GUCA1C: variants seen among roughly 807,000 people sequenced by gnomAD.
The protein encoded by GUCA1C is guanylyl cyclase-activating protein 3.
In GUCA1C, 15 loss-of-function variants were observed where a neutral mutation model predicts 16.2. That is an observed-to-expected ratio of 0.93 (90% CI 0.62 to 1.43). The LOEUF (loss-of-function observed/expected upper bound fraction) is 1.43. Ranked by LOEUF, GUCA1C falls within the 40% of genes most tolerant of loss-of-function variation. The pLI, the probability that GUCA1C is intolerant of heterozygous loss-of-function variation, is 0.00. For missense variants in GUCA1C, 275 were observed against 244.8 expected (o/e 1.12, Z -0.82); for synonymous variants, 78 against 85.4 (o/e 0.91, Z 0.48).
chr3:108,930,866 T>C (rs1396580121), intron 1 of GUCA1C, among the ~76,000 whole-genome samples: 1 of 152,170 alleles, frequency 6.6e-6, no homozygotes, highest in Non-Finnish European at 1.5e-5. Context: ...AAGCGAAATA[T>C]GTTATTATAG....
intron 1 of GUCA1C, among the ~76,000 whole-genome samples, chr3:108,946,741 A>G (rs1946847620): frequency 6.6e-6 from 1 of 152,156 alleles, no homozygotes; most frequent in Non-Finnish European, 1.5e-5. Flanking sequence ...CTACAGAACC[A>G]ATGACTCACT....
chr3:108,947,888 T>G (rs1008331241), intron 1 of GUCA1C, among the ~76,000 whole-genome samples: 1 of 152,188 alleles, frequency 6.6e-6, no homozygotes, highest in African/African-American at 2.4e-5. Flanking sequence ...AGCATCAGAT[T>G]TGTTAAATAT....
chr3:108,931,871 T>C (rs1249507092), intron 1 of GUCA1C, among the ~76,000 whole-genome samples: 1 of 145,202 alleles, frequency 6.9e-6, no homozygotes, highest in Non-Finnish European at 1.5e-5. Flanking sequence ...CCTTCTTTTT[T>C]TTTTTTTTTT....
At chr3:108,943,473 G>C (rs1005338782) in intron 1 of GUCA1C, among the ~76,000 whole-genome samples, 1 of 152,154 alleles carries the variant, frequency 6.6e-6, no homozygotes. Flanking sequence ...ATCTGACTTA[G>C]GAGGCATAGC....
chr3:108,953,246 A>C (rs781094376), intron 1 of GUCA1C, among the ~76,000 whole-genome samples: 1 of 152,166 alleles, frequency 6.6e-6, no homozygotes, highest in Non-Finnish European at 1.5e-5. Flanking sequence ...TTGTAAATCA[A>C]TCTGTACTTA....
At chr3:108,928,164 G>A (rs1946638842) in intron 1 of GUCA1C, among the ~76,000 whole-genome samples, 1 of 152,138 alleles carries the variant, frequency 6.6e-6, no homozygotes, top group Admixed American at 6.5e-5. Flanking sequence ...GGATTCTCTC[G>A]ACTTTCCTGG....
chr3:108,911,089 C>T (rs1946448544), intron 3 of GUCA1C, among the ~76,000 whole-genome samples: 2 of 152,274 alleles, frequency 1.3e-5, no homozygotes, highest in African/African-American at 4.8e-5. Flanking sequence ...TCTGGGGACC[C>T]TGAAGGTCAG....
Position 108,908,318 on chromosome 3 carries a change from C to A in GUCA1C, c.443-109G>T, listed in dbSNP as rs192377540. Reference sequence around the variant, plus strand: ...ATATTCTTTTGATATCCTTTCCCCTCAACCAGACTCTAAGATCTTTGAAGA... The same window carrying A: ...ATATTCTTTTGATATCCTTTCCCCTAAACCAGACTCTAAGATCTTTGAAGA... On this transcript the variant is annotated intron_variant, in intron 3 of 3. Transcript: ENST00000261047. 4.0e-3 allele frequency: 1,869 copies of A among 465,708 alleles called. 5 individuals are homozygous for A. The highest frequency in any genetic ancestry group is 5.5e-3 in the Non-Finnish European group (1,535 of 279,196). 28.8% of individuals were successfully genotyped at this position (465,708 alleles called of 1,614,324 possible).
chr3:108,937,044 C>G (rs1008954867), intron 1 of GUCA1C, among the ~76,000 whole-genome samples: 1 of 152,220 alleles, frequency 6.6e-6, no homozygotes, highest in Non-Finnish European at 1.5e-5. Flanking sequence ...AGACAATAGT[C>G]TCCCTCAGCC....
chr3:108,939,555 G>A (rs1576554580), intron 1 of GUCA1C, among the ~76,000 whole-genome samples: 1 of 151,570 alleles, frequency 6.6e-6, no homozygotes, highest in East Asian at 1.9e-4. Context: ...TCAAACTCCT[G>A]ACCTCAGGTG....
intron 3 of GUCA1C, among the ~76,000 whole-genome samples, chr3:108,911,811 A>G (rs1559838898): frequency 2.0e-5 from 3 of 152,108 alleles, no homozygotes; most frequent in Admixed American, 6.6e-5. Flanking sequence ...TCTGCTCAAT[A>G]ATCACCCTTT....
intron 1 of GUCA1C, among the ~76,000 whole-genome samples, chr3:108,951,475 A>T (rs1946895340): frequency 6.6e-6 from 1 of 152,186 alleles, no homozygotes; most frequent in South Asian, 2.1e-4. Flanking sequence ...AAACACAAAG[A>T]AAAAAAGAAA....
chr3:108,912,767 T>A (rs1946469570), intron 3 of GUCA1C, among the ~76,000 whole-genome samples: 1 of 151,904 alleles, frequency 6.6e-6, no homozygotes. Flanking sequence ...TTGCATATTG[T>A]TTCTTGATTT....
chr3:108,940,221 A>C (rs1398421452), intron 1 of GUCA1C, among the ~76,000 whole-genome samples: 2 of 152,250 alleles, frequency 1.3e-5, no homozygotes, highest in Non-Finnish European at 2.9e-5. Flanking sequence ...TTACAATGTA[A>C]TATAAGATCA....
intron 1 of GUCA1C, among the ~76,000 whole-genome samples, chr3:108,949,008 C>T (rs377186362): frequency 2.0e-4 from 31 of 152,096 alleles, no homozygotes; most frequent in African/African-American, 5.3e-4. Flanking sequence ...CCACCACGCC[C>T]GGCTAATTTT....
Position 108,916,208 on chromosome 3 carries a change from G to C in GUCA1C, c.361C>G (p.Gln121Glu), listed in dbSNP as rs928931571. Reference protein sequence around the residue: ...NELLDMFMAVQALNGQQTLSP... With the variant: ...NELLDMFMAVEALNGQQTLSP... ...AGAGTTTGCTGGCCATTGAGGGCTT[G>C]TACCGCCTGCAAAAAGACATTAAAT... is the stretch of plus-strand genomic sequence containing the variant. Residue 121 changes from glutamine (Q) to glutamate (E), a missense_variant, in exon 3 of 4, where the codon CAA becomes GAA. Coordinates refer to ENST00000261047, the MANE Select transcript of GUCA1C (RefSeq NM_005459.4). The C allele has an allele frequency of 5.0e-6, 8 of 1,605,264 alleles. No homozygotes were observed. Among genetic ancestry groups the C allele is most frequent in the Non-Finnish European group, 6.8e-6 (8 of 1,177,872 alleles).
At chr3:108,924,943 A>G (rs1203000196) in intron 1 of GUCA1C, among the ~76,000 whole-genome samples, 1 of 151,952 alleles carries the variant, frequency 6.6e-6, no homozygotes, top group Non-Finnish European at 1.5e-5. Flanking sequence ...GCCTTGAATG[A>G]TATTTTGTAT....
chr3:108,953,976 C>CT (rs1946925784), upstream of GUCA1C: 24 of 566,230 alleles, frequency 4.2e-5, no homozygotes, highest in South Asian at 5.1e-4. Context: ...CACTTGGTAA[C>CT]TAACATGCTT....
At chr3:108,949,357 G>A (rs1348245945) in intron 1 of GUCA1C, among the ~76,000 whole-genome samples, 1 of 152,206 alleles carries the variant, frequency 6.6e-6, no homozygotes, top group African/African-American at 2.4e-5. Flanking sequence ...AAGAGAGGAA[G>A]GGAAGGTTGG....
Sources: gnomAD v4.1 joint callset for allele counts (sites outside exome capture counted in the v4.1 genomes callset) on GRCh38, gnomAD v4.1.1 for gene constraint, MANE v1.5 for transcripts, NCBI Gene and HGNC (gene_info 2026-07-23, HGNC 2026-07-21) for gene names.